Variants in STK32B observed in about 807,000 individuals in gnomAD.
STK32B encodes serine/threonine kinase 32B.
Under a neutral mutation model 52.6 loss-of-function variants are expected in STK32B, and 43 were observed. The observed-to-expected ratio is 0.82, with a 90% CI of 0.64 to 1.05. STK32B has a LOEUF of 1.05. Ranked by LOEUF, STK32B falls within the 50% of genes least tolerant of loss-of-function variation. The pLI, the probability that STK32B is intolerant of heterozygous loss-of-function variation, is 0.00. For synonymous variants in STK32B, 238 were observed against 204.3 expected, an observed-to-expected ratio of 1.17 and a Z score of -1.41; for missense variants, 621 against 534.6, an observed-to-expected ratio of 1.16 and a Z score of -1.59.
intron 3 of STK32B, among the ~76,000 whole-genome samples, chr4:5,184,684 C>CAA (rs1553846538): frequency 2.2e-4 from 23 of 105,392 alleles, no homozygotes; most frequent in Admixed American, 3.2e-4. Context: ...GAGACTGTCT[C>CAA]AAAAAAAAAA....
intron 3 of STK32B, among the ~76,000 whole-genome samples, chr4:5,179,454 C>G (rs1412584336): frequency 1.3e-5 from 2 of 151,936 alleles, no homozygotes; most frequent in Admixed American, 6.6e-5. Flanking sequence ...ATATACATGC[C>G]TATATGTATG....
At chr4:5,330,641 G>A (rs1050501686) in intron 3 of STK32B, among the ~76,000 whole-genome samples, 4 of 152,222 alleles carry the variant, frequency 2.6e-5, no homozygotes, top group Non-Finnish European at 5.9e-5. Context: ...GAACTCAGCT[G>A]TGGATCTGGT....
chr4:5,291,769 A>T (rs1006856563), intron 3 of STK32B, among the ~76,000 whole-genome samples: 1 of 151,940 alleles, frequency 6.6e-6, no homozygotes, highest in Non-Finnish European at 1.5e-5. Context: ...ATTAAGTCTG[A>T]TGTGGTTGGG....
the STK32B span, among the ~76,000 whole-genome samples, chr4:5,037,034 G>A: frequency 6.6e-6 from 1 of 152,094 alleles, no homozygotes; most frequent in South Asian, 2.1e-4. Flanking sequence ...GTGGAAATTG[G>A]CATTTTTGAG....
chr4:5,219,166 G>A (rs551377316), intron 3 of STK32B, among the ~76,000 whole-genome samples: 9 of 152,312 alleles, frequency 5.9e-5, no homozygotes, highest in East Asian at 1.9e-4. Flanking sequence ...TTCAACCCAC[G>A]AGGGCTCTCA....
chr4:5,099,454 G>GTGCGCGCGCA lies in STK32B; in HGVS notation c.53-40451_53-40450insTGCGCGCGCA, dbSNP rs138682243. Among the ~76,000 whole-genome samples, 5 of 129,850 alleles carry GTGCGCGCGCA rather than the reference G, an allele frequency of 3.9e-5. No individual in the cohort carries two copies. In the Middle Eastern group the frequency reaches 0.019, roughly 485 times the overall value. The allele number at this position is 129,850 out of a possible 152,430, so 85.2% of individuals were successfully genotyped here. On this transcript the variant is annotated intron_variant, in intron 1 of 11. Coordinates refer to ENST00000282908, the MANE Select transcript of STK32B (RefSeq NM_018401.3). Reference sequence around the variant, plus strand: ...CCTCTGTGTGTGTGTGTGTGTGCGCGCGCGCGTATGTGATGTGTTCACAAC... The same window carrying GTGCGCGCGCA: ...CCTCTGTGTGTGTGTGTGTGTGCGCGTGCGCGCGCACGCGCGTATGTGATGTGTTCACAAC...
chr4:5,065,246 G>A (rs1742373596), intron 1 of STK32B, among the ~76,000 whole-genome samples: 2 of 152,202 alleles, frequency 1.3e-5, no homozygotes, highest in South Asian at 4.1e-4. Flanking sequence ...TAACTACTAA[G>A]TAGAGTCAAA....
intron 11 of STK32B, among the ~76,000 whole-genome samples, chr4:5,475,319 G>A (rs1718155613): frequency 6.6e-6 from 1 of 151,526 alleles, no homozygotes. Context: ...CAGCCACTCA[G>A]GAGGCTGAGG....
intron 3 of STK32B, among the ~76,000 whole-genome samples, chr4:5,297,506 C>A (rs191866114): frequency 6.6e-6 from 1 of 151,878 alleles, no homozygotes; most frequent in East Asian, 1.9e-4. Flanking sequence ...CTTGTCTTCA[C>A]GCTTTATTTT....
At chr4:5,227,950 T>C (rs1560240152) in intron 3 of STK32B, among the ~76,000 whole-genome samples, 1 of 152,194 alleles carries the variant, frequency 6.6e-6, no homozygotes, top group Non-Finnish European at 1.5e-5. Context: ...ATCACTGAGT[T>C]CACAGTATCT....
intron 2 of STK32B, among the ~76,000 whole-genome samples, chr4:5,164,885 G>GT (rs1295165950): frequency 3.3e-5 from 5 of 152,074 alleles, no homozygotes; most frequent in East Asian, 1.9e-4. Flanking sequence ...TTTGTTTTTT[G>GT]TTTTTTTCTC....
chr4:5,474,781 G>A (rs946404446), intron 11 of STK32B, among the ~76,000 whole-genome samples: 1 of 152,138 alleles, frequency 6.6e-6, no homozygotes, highest in Admixed American at 6.5e-5. Context: ...GATTGTATCC[G>A]TAGGTATTTT....
At chr4:5,443,576 G>C (rs1715009625) in intron 6 of STK32B, among the ~76,000 whole-genome samples, 1 of 152,102 alleles carries the variant, frequency 6.6e-6, no homozygotes, top group Non-Finnish European at 1.5e-5. Context: ...AGAGTAATTT[G>C]ATCGTCTGAA....
chr4:5,371,009 T>A (rs2109011676), intron 4 of STK32B, among the ~76,000 whole-genome samples: 1 of 150,364 alleles, frequency 6.7e-6, no homozygotes, highest in South Asian at 2.1e-4. Context: ...TATATATATA[T>A]ATGTATATAT....
chr4:5,488,356 G>C (rs998441143), intron 11 of STK32B, among the ~76,000 whole-genome samples: 1 of 152,056 alleles, frequency 6.6e-6, no homozygotes, highest in African/African-American at 2.4e-5. Flanking sequence ...CTCTGGACTT[G>C]GAATCCAGAA....
intron 3 of STK32B, among the ~76,000 whole-genome samples, chr4:5,301,746 CTT>C (rs3077862): frequency 8.0e-6 from 1 of 124,382 alleles, no homozygotes; most frequent in Non-Finnish European, 1.7e-5. Context: ...GTTCCATTAG[CTT>C]TTTTTTTTTT....
intron 6 of STK32B, among the ~76,000 whole-genome samples, chr4:5,418,493 C>G (rs978183685): frequency 1.3e-5 from 2 of 152,220 alleles, no homozygotes; most frequent in Non-Finnish European, 2.9e-5. Context: ...TTCTCCATAC[C>G]TTTCTTCCAA....
rs770632283 is a variant in STK32B, at chr4:5,446,754, C to A, written c.644C>A (p.Ala215Asp). The A allele has an allele frequency of 1.2e-5, 20 of 1,613,892 alleles. 1 individual carries two copies. Among genetic ancestry groups the A allele is most frequent in the Non-Finnish European group, 1.6e-5 (19 of 1,179,972 alleles). Residue 215 changes from alanine (A) to aspartate (D), a missense_variant, in exon 7 of 12, where the codon GCC becomes GAC. Transcript: ENST00000282908. ...GACTGGTGGTCCCTGGGCATCACAG[C>A]CTATGAGCTGCTGCGGGGCTGGGTA... ...PVDWWSLGIT[A>D]YELLRGWRPY...
intron 3 of STK32B, among the ~76,000 whole-genome samples, chr4:5,198,009 T>C (rs1161928134): frequency 1.3e-5 from 2 of 152,204 alleles, no homozygotes; most frequent in Non-Finnish European, 2.9e-5. Flanking sequence ...TTTTTTTTTC[T>C]GCATGTTAGT....
Sources: allele counts gnomAD v4.1 joint callset (sites outside exome capture counted in the v4.1 genomes callset), GRCh38; gene constraint gnomAD v4.1.1; transcripts MANE v1.5; gene names NCBI Gene and HGNC (gene_info 2026-07-23, HGNC 2026-07-21).